The following OSBPL8 variants were observed in gnomAD, a reference collection of about 807,000 sequenced individuals.
The protein encoded by OSBPL8 is oxysterol binding protein like 8, also known as oxysterol-binding protein-related protein 8.
A neutral mutation model predicts 125.5 loss-of-function variants in OSBPL8; 59 were observed. The observed-to-expected ratio is 0.47, with a 90% confidence interval of 0.38 to 0.58. The LOEUF (loss-of-function observed/expected upper bound fraction) is 0.58, where lower values mean the gene tolerates loss of function less well. Among genes scored for constraint, OSBPL8 ranks in the 20% least tolerant of loss-of-function variants. The pLI, the probability that OSBPL8 is intolerant of heterozygous loss-of-function variation, is 0.00. For missense variants in OSBPL8, 758 were observed against 1,047.8 expected (o/e 0.72, Z 3.82); for synonymous variants, 330 against 338.9 (o/e 0.97, Z 0.29).
At chr12:76,470,893 G>A (rs1216101653) in intron 2 of OSBPL8, among the ~76,000 whole-genome samples, 1 of 152,036 alleles carries the variant, frequency 6.6e-6, no homozygotes, top group African/African-American at 2.4e-5. Flanking sequence ...GGAAAATAAA[G>A]CTTTGGATTA....
intron 1 of OSBPL8, among the ~76,000 whole-genome samples, chr12:76,497,447 G>T (rs775752331): frequency 5.9e-5 from 9 of 152,098 alleles, no homozygotes. Context: ...CATAATAAAG[G>T]AATCTTTCCT....
In OSBPL8 at chr12:76,370,445, C is replaced by G. The variant is rs1952577063; in HGVS notation, c.2055-623G>C. On this transcript the variant is annotated intron_variant, in intron 19 of 23. Coordinates refer to ENST00000261183, the MANE Select transcript of OSBPL8 (RefSeq NM_020841.5). ...CTGTTAAATAAAAGTATATCTATAT[C>G]CTACCCATCTAGAAAGGCAGCATGT... 2.6e-5 allele frequency among the ~76,000 whole-genome samples: 4 copies of G among 152,110 alleles called. 1 individual carries two copies. In the South Asian group the frequency reaches 8.3e-4, roughly 31 times the overall value.
In OSBPL8 at chr12:76,450,999, G is replaced by C; in HGVS notation, c.80-11C>G. The C allele has an allele frequency of 6.2e-7, 1 of 1,610,020 alleles. No homozygotes were observed. Among genetic ancestry groups the C allele is most frequent in the Non-Finnish European group, 8.5e-7 (1 of 1,178,528 alleles). ...TGTTTGCTACAACAGCTCAAGGAAA[G>C]AAGGGAAAAATAATTAGTACTGAAG... On this transcript the variant is annotated splice_polypyrimidine_tract_variant and intron_variant, in intron 3 of 23. Transcript: ENST00000261183.
chr12:76,549,687 G>T (rs1448487783), intron 1 of OSBPL8, among the ~76,000 whole-genome samples: 1 of 152,066 alleles, frequency 6.6e-6, no homozygotes, highest in Non-Finnish European at 1.5e-5. Flanking sequence ...AGGCGTTGAT[G>T]TATGACTTCT....
rs796407688 is a variant in OSBPL8, at chr12:76,510,895, A to T, written c.-67-23277T>A. Among the ~76,000 whole-genome samples, 894 of 145,644 alleles carry T rather than the reference A, an allele frequency of 6.1e-3. 4 individuals are homozygous for T. Among genetic ancestry groups the T allele is most frequent in the African/African-American group, 0.013 (455 of 36,104 alleles). On this transcript the variant is annotated intron_variant, in intron 1 of 23. Coordinates refer to ENST00000261183, the MANE Select transcript of OSBPL8 (RefSeq NM_020841.5). ...AAACCCCATCTCAAAAAAAAAAAAA[A>T]AAATATATTTACCTCTTGCCATATA...
At chr12:76,364,536 AAATACCT>A (rs1415903752) in intron 21 of OSBPL8, among the ~76,000 whole-genome samples, 1 of 152,180 alleles carries the variant, frequency 6.6e-6, no homozygotes, top group Non-Finnish European at 1.5e-5. Context: ...GCATTAGGAG[AAATACCT>A]AATGTAGATG....
At chr12:76,545,409 A>G (rs1258715139) in intron 1 of OSBPL8, among the ~76,000 whole-genome samples, 2 of 152,222 alleles carry the variant, frequency 1.3e-5, no homozygotes, top group Admixed American at 6.5e-5. Flanking sequence ...ATCTGGTTAT[A>G]ATAAACCAGA....
At chr12:76,369,091 C>G (rs1418126752) in intron 21 of OSBPL8, 123 bp downstream of exon 21, 1 of 1,298,724 alleles carries the variant, frequency 7.7e-7, no homozygotes, top group Non-Finnish European at 1.0e-6. Context: ...AAGAAGAGTT[C>G]AGAGCTGCGT....
Position 76,375,315 on chromosome 12 carries a change from A to G in OSBPL8, c.1785T>C (p.Cys595=). The part of the protein sequence containing the change: ...LELGGTVNIT[C]QKTGYSAILE... ...GTATTGCACTGTATCCAGTTTTTTGACATGTAATATTGACTGTTCCACCAA... is the reference window on the plus strand; with the variant it reads ...GTATTGCACTGTATCCAGTTTTTTGGCATGTAATATTGACTGTTCCACCAA... The change falls in exon 17 of 24, where the codon TGT becomes TGC. Residue 595 remains cysteine, a synonymous_variant. Coordinates refer to ENST00000261183, the MANE Select transcript of OSBPL8 (RefSeq NM_020841.5). The G allele has an allele frequency of 6.2e-7, 1 of 1,612,334 alleles. No homozygotes were observed. Among genetic ancestry groups the G allele is most frequent in the South Asian group, 1.1e-5 (1 of 91,036 alleles).
intron 1 of OSBPL8, among the ~76,000 whole-genome samples, chr12:76,542,406 C>T (rs1950672231): frequency 6.6e-6 from 1 of 152,188 alleles, no homozygotes. Flanking sequence ...CTAGAACTTT[C>T]TCTTGCATTC....
intron 1 of OSBPL8, among the ~76,000 whole-genome samples, chr12:76,520,401 G>A (rs1881959817): frequency 6.6e-6 from 1 of 152,170 alleles, no homozygotes; most frequent in East Asian, 1.9e-4. Flanking sequence ...GCTCCATAAG[G>A]AAAATCAGTT....
At chr12:76,394,613 C>A (rs780648289) in intron 9 of OSBPL8, 32 bp downstream of exon 9, 2 of 1,552,808 alleles carry the variant, frequency 1.3e-6, no homozygotes, top group African/African-American at 1.4e-5. Flanking sequence ...AAAATGAAGA[C>A]CAAAATCCAA....
intron 1 of OSBPL8, 50 bp from the exon 2 acceptor site, chr12:76,487,668 G>A: frequency 1.5e-6 from 1 of 652,966 alleles, no homozygotes; most frequent in Non-Finnish European, 2.3e-6. Context: ...ACTGTGACAA[G>A]TAGAAATAAA....
chr12:76,453,814 T>C (rs898194099), intron 3 of OSBPL8, among the ~76,000 whole-genome samples: 6 of 152,016 alleles, frequency 3.9e-5, no homozygotes, highest in African/African-American at 1.4e-4. Context: ...AAAAGGTTGG[T>C]ACCTAGAATG....
At chr12:76,439,108 C>T (rs139739568) in intron 4 of OSBPL8, among the ~76,000 whole-genome samples, 3,161 of 152,250 alleles carry the variant, frequency 0.021, 116 homozygotes, top group African/African-American at 0.072. Context: ...AGGCCGGACG[C>T]GGTGGCTCAC....
At chr12:76,507,482 T>C (rs1880527194) in intron 1 of OSBPL8, among the ~76,000 whole-genome samples, 1 of 151,680 alleles carries the variant, frequency 6.6e-6, no homozygotes, top group South Asian at 2.1e-4. Context: ...CCCAGGAGCT[T>C]TTCTGTTTTA....
At position 76,392,591 on chromosome 12, in the gene OSBPL8, C is replaced by A; in HGVS notation, c.919G>T (p.Asp307Tyr). The A allele has an allele frequency of 1.2e-6, 2 of 1,605,712 alleles. No individual in the cohort carries two copies. The highest frequency in any genetic ancestry group is 1.7e-6 in the Non-Finnish European group (2 of 1,173,932). ...LLRANNLHSG[D>Y]NFQLNDSEIE... The stretch of plus-strand genomic sequence containing the variant: ...GCAGTATCTACTTACTGGAAGTTAT[C>A]ACCACTGTGGAGATTGTTAGCACGT... The change falls in exon 10 of 24, where the codon GAT becomes TAT. Residue 307 changes from aspartate (D) to tyrosine (Y), a missense_variant. Asp to Tyr is a radical substitution (Grantham distance 160). Transcript: ENST00000261183.
intron 2 of OSBPL8, among the ~76,000 whole-genome samples, chr12:76,470,473 G>A (rs1387177391): frequency 1.3e-5 from 2 of 152,020 alleles, no homozygotes; most frequent in African/African-American, 2.4e-5. Flanking sequence ...TTCATCTTAC[G>A]ACCTGTTTCA....
chr12:76,395,502 T>C (rs1403542362), intron 8 of OSBPL8, among the ~76,000 whole-genome samples: 1 of 152,128 alleles, frequency 6.6e-6, no homozygotes, highest in Non-Finnish European at 1.5e-5. Context: ...AAGATGTAGA[T>C]TCAAAACGAA....
Sources: allele counts gnomAD v4.1 joint callset (sites outside exome capture counted in the v4.1 genomes callset), GRCh38; gene constraint gnomAD v4.1.1; transcripts MANE v1.5; gene names NCBI Gene and HGNC (gene_info 2026-07-23, HGNC 2026-07-21).